CRB1: variants seen among roughly 807,000 people sequenced by gnomAD.
CRB1 encodes the protein crumbs cell polarity complex component 1, also known as protein crumbs homolog 1.
A neutral mutation model predicts 120.0 loss-of-function variants in CRB1; 83 were observed. The observed-to-expected ratio is 0.69, with a 90% CI of 0.58 to 0.83. The LOEUF (loss-of-function observed/expected upper bound fraction) is 0.83, where lower values mean the gene tolerates loss of function less well. CRB1 is among the 40% of genes least tolerant of loss of function. CRB1 has a pLI of 0.00. For synonymous variants in CRB1, 625 were observed against 612.5 expected (o/e 1.02, Z -0.30); for missense variants, 1,699 against 1,687.6 (o/e 1.01, Z -0.12).
chr1:197,260,547 CAA>C, the CRB1 span, among the ~76,000 whole-genome samples: 1 of 151,636 alleles, frequency 6.6e-6, no homozygotes, highest in African/African-American at 2.4e-5. Context: ...ACACAAAAAT[CAA>C]AAGTCATAAA....
At chr1:197,376,389 A>T (rs1360177803) in intron 5 of CRB1, among the ~76,000 whole-genome samples, 1 of 152,220 alleles carries the variant, frequency 6.6e-6, no homozygotes, top group African/African-American at 2.4e-5. Flanking sequence ...AAAAGAAAAA[A>T]ATTAAGCTAA....
intron 1 of CRB1, among the ~76,000 whole-genome samples, chr1:197,312,030 G>A (rs1376276080): frequency 6.6e-6 from 1 of 151,930 alleles, no homozygotes; most frequent in Non-Finnish European, 1.5e-5. Flanking sequence ...TCTGTAAGTC[G>A]TAAGTAAATT....
chr1:197,418,389 A>T (rs1464853267), intron 5 of CRB1, among the ~76,000 whole-genome samples: 1 of 152,146 alleles, frequency 6.6e-6, no homozygotes, highest in Non-Finnish European at 1.5e-5. Flanking sequence ...ATTCAGTTCT[A>T]TTCTTTCTAT....
intron 1 of CRB1, among the ~76,000 whole-genome samples, chr1:197,298,445 A>G (rs924526662): frequency 6.6e-6 from 1 of 152,150 alleles, no homozygotes; most frequent in Non-Finnish European, 1.5e-5. Flanking sequence ...AGAGGATTAA[A>G]TGCTTCAGGC....
Position 197,433,394 on chromosome 1 carries a change from C to T in CRB1, c.2843-1312C>T, listed in dbSNP as rs1014637905. On this transcript the variant is annotated intron_variant, in intron 8 of 11. Transcript: ENST00000367400. ...ATTAATAGTGTTTTCAGGTCATTTG[C>T]TACTGAAAAGTGTGATACAATAAAA... Among the ~76,000 whole-genome samples, 8 of 152,076 alleles carry T rather than the reference C, an allele frequency of 5.3e-5. 1 individual carries two copies. Among genetic ancestry groups the T allele is most frequent in the Non-Finnish European group, 8.8e-5 (6 of 68,012 alleles).
Position 197,336,266 on chromosome 1 carries a change from C to T in CRB1, c.652+7263C>T, listed in dbSNP as rs374451071. On this transcript the variant is annotated intron_variant, in intron 2 of 11. Transcript: ENST00000367400. ...TCAAAGACATAATTCGAATTTCAGT[C>T]GTTGTGGAGGTTTGAATCTGGGCTT... 4.7e-4 allele frequency among the ~76,000 whole-genome samples: 71 copies of T among 152,212 alleles called. 2 individuals are homozygous for T. In the South Asian group the frequency reaches 0.015, roughly 31 times the overall value.
chr1:197,430,548 T>C (rs747201602), intron 8 of CRB1, among the ~76,000 whole-genome samples: 1 of 152,140 alleles, frequency 6.6e-6, no homozygotes, highest in Non-Finnish European at 1.5e-5. Context: ...CATTCTCTCT[T>C]TTGCTCCATA....
At chr1:197,383,512 T>A (rs773237150) in intron 5 of CRB1, among the ~76,000 whole-genome samples, 5 of 152,208 alleles carry the variant, frequency 3.3e-5, no homozygotes, top group Non-Finnish European at 7.3e-5. Context: ...CTACTTAAGA[T>A]ACTCTTTGTT....
intron 2 of CRB1, among the ~76,000 whole-genome samples, chr1:197,337,298 G>A (rs1227000859): frequency 1.3e-5 from 2 of 152,178 alleles, no homozygotes; most frequent in Admixed American, 6.5e-5. Flanking sequence ...TCAGCAGGGT[G>A]TGTGTGCCAG....
intron 5 of CRB1, among the ~76,000 whole-genome samples, chr1:197,396,637 T>C (rs1181237864): frequency 1.3e-5 from 2 of 151,996 alleles, no homozygotes; most frequent in African/African-American, 4.8e-5. Context: ...ATAAACACAA[T>C]AAAGAATGCA....
At position 197,326,632 on chromosome 1, in the gene CRB1, A is replaced by AAAT. The variant is rs530759730; in HGVS notation, c.71-1772_71-1770dup. On this transcript the variant is annotated intron_variant, in intron 1 of 11. Coordinates refer to ENST00000367400, the MANE Select transcript of CRB1 (RefSeq NM_201253.3). ...GGCGACAGAGCAAGACTCTGTCTCA[A>AAAT]AATAATAATAATAATAATAAATAAT... 5.3e-4 allele frequency among the ~76,000 whole-genome samples: 80 copies of AAAT among 151,786 alleles called. No individual in the cohort carries two copies. In the South Asian group the frequency reaches 0.012, roughly 22 times the overall value.
chr1:197,412,600 T>G (rs1663766452), intron 5 of CRB1, among the ~76,000 whole-genome samples: 1 of 152,174 alleles, frequency 6.6e-6, no homozygotes, highest in African/African-American at 2.4e-5. Context: ...TTCCCTCTCC[T>G]TCTTACACCA....
chr1:197,328,603 T>TTG lies in CRB1; in HGVS notation c.257_258dup (p.Asn87Ter), dbSNP rs62636260. On this transcript the variant is annotated frameshift_variant, in exon 2 of 12. Coordinates refer to ENST00000367400, the MANE Select transcript of CRB1 (RefSeq NM_201253.3). LOFTEE classifies it high-confidence loss of function. ...CCAATCCCTGTCAAGGAAGTGCCAC[T>TTG]TGTGTGAACACCCCAGGAGAAAGGA... 1.9e-6 allele frequency: 3 copies of TTG among 1,614,234 alleles called. No homozygotes were observed. The highest frequency in any genetic ancestry group is 2.5e-6 in the Non-Finnish European group (3 of 1,180,036).
At chr1:197,364,188 C>T (rs1660940896) in intron 5 of CRB1, 1 of 468,000 alleles carries the variant, frequency 2.1e-6, no homozygotes, top group South Asian at 5.9e-5. Context: ...ATCCCATTTC[C>T]TATTACAGTT....
intron 5 of CRB1, among the ~76,000 whole-genome samples, chr1:197,400,935 C>T (rs1171697584): frequency 2.6e-5 from 4 of 151,914 alleles, no homozygotes; most frequent in African/African-American, 9.7e-5. Flanking sequence ...TGCTTTCCTT[C>T]CCTTCTTTTC....
intron 5 of CRB1, chr1:197,413,690 G>A: frequency 5.0e-6 from 1 of 200,402 alleles, no homozygotes; most frequent in South Asian, 8.9e-5. Context: ...AAAAAGGGGA[G>A]GCACCATGTG....
At chr1:197,336,874 T>C (rs1257290669) in intron 2 of CRB1, among the ~76,000 whole-genome samples, 1 of 152,044 alleles carries the variant, frequency 6.6e-6, no homozygotes, top group Non-Finnish European at 1.5e-5. Context: ...GGAAAAAAAA[T>C]GGCCTATGAG....
chr1:197,203,560 G>T, the CRB1 span, among the ~76,000 whole-genome samples: 1 of 152,114 alleles, frequency 6.6e-6, no homozygotes, highest in East Asian at 1.9e-4. Flanking sequence ...CCTGACCTCA[G>T]GTGATCCACC....
Position 197,336,368 on chromosome 1 carries a change from T to A in CRB1, c.652+7365T>A, listed in dbSNP as rs532129029. 3.9e-4 allele frequency among the ~76,000 whole-genome samples: 60 copies of A among 152,236 alleles called. No homozygotes were observed. In the South Asian group the frequency reaches 0.012, roughly 31 times the overall value. ...CATCTGTGGCAAATAATATAGATAA[T>A]TTAATGGTCATGGGAAATAATTTGA... On this transcript the variant is annotated intron_variant, in intron 2 of 11. Transcript: ENST00000367400.
Sources: allele counts gnomAD v4.1 joint callset (sites outside exome capture counted in the v4.1 genomes callset), GRCh38; gene constraint gnomAD v4.1.1; transcripts MANE v1.5; gene names NCBI Gene and HGNC (gene_info 2026-07-23, HGNC 2026-07-21).